The following DDC variants were observed in gnomAD, a reference collection of about 807,000 sequenced individuals.
The protein encoded by DDC is aromatic-L-amino-acid decarboxylase.
A neutral mutation model predicts 60.0 loss-of-function variants in DDC; 43 were observed. The observed-to-expected ratio is 0.72, with a 90% CI of 0.56 to 0.92. The LOEUF (loss-of-function observed/expected upper bound fraction) is 0.92. DDC is among the 40% of genes least tolerant of loss of function. The probability of loss-of-function intolerance (pLI) is 0.00; values close to 1 mark genes in which losing one functional copy is unlikely to be tolerated. For missense variants in DDC, 573 were observed against 620.2 expected (o/e 0.92, Z 0.81); for synonymous variants, 232 against 234.6 (o/e 0.99, Z 0.10).
At chr7:50,503,960 T>C (rs754986271) in intron 7 of DDC, 33 bp downstream of exon 7, 50 of 1,524,816 alleles carry the variant, frequency 3.3e-5, no homozygotes, top group Non-Finnish European at 4.6e-5. Flanking sequence ...ACAGAGAACA[T>C]TTTCCAAAAA....
chr7:50,540,277 C>A (rs1261185828), intron 2 of DDC: 2 of 468,060 alleles, frequency 4.3e-6, no homozygotes, highest in Non-Finnish European at 7.9e-6. Flanking sequence ...TATTTGCTAG[C>A]TCAGAAGGAA....
chr7:50,467,379 A>G, intron 12 of DDC, 64 bp from the exon 13 acceptor site: 1 of 1,366,318 alleles, frequency 7.3e-7, no homozygotes, highest in Non-Finnish European at 1.0e-6. Flanking sequence ...TTAACTACCT[A>G]GAAAACCTTA....
In DDC at chr7:50,479,331, C is replaced by T. The variant is rs1323133239; in HGVS notation, c.1021+456G>A. On this transcript the variant is annotated intron_variant, in intron 10 of 14. Transcript: ENST00000444124. ...GTGCACCTTTGTGTGCTGATCTGAGCCTTGGCTTCATCTTATTTTCTCTTC... is the reference window on the plus strand; with the variant it reads ...GTGCACCTTTGTGTGCTGATCTGAGTCTTGGCTTCATCTTATTTTCTCTTC... 2.6e-5 allele frequency among the ~76,000 whole-genome samples: 4 copies of T among 152,310 alleles called. No individual in the cohort carries two copies. In the South Asian group the frequency reaches 8.3e-4, roughly 32 times the overall value.
At chr7:50,460,589 C>T (rs1026065685) in intron 14 of DDC, among the ~76,000 whole-genome samples, 2 of 151,362 alleles carry the variant, frequency 1.3e-5, no homozygotes, top group Non-Finnish European at 2.9e-5. Flanking sequence ...ATGACAATGG[C>T]GGTTTTGTGG....
At chr7:50,477,575 G>A in intron 10 of DDC, 1 of 456,178 alleles carries the variant, frequency 2.2e-6, no homozygotes. Context: ...GCACAGGAGT[G>A]CCTACATTGT....
At chr7:50,532,777 A>C (rs2044260695) in intron 4 of DDC, among the ~76,000 whole-genome samples, 1 of 152,246 alleles carries the variant, frequency 6.6e-6, no homozygotes, top group South Asian at 2.1e-4. Flanking sequence ...AATTAGAGGA[A>C]TCATCTGCTG....
intron 11 of DDC, among the ~76,000 whole-genome samples, chr7:50,474,617 G>A (rs2042601950): frequency 6.6e-6 from 1 of 152,204 alleles, no homozygotes. Flanking sequence ...GGCAGAGCTG[G>A]GCTGGTTTTT....
chr7:50,466,286 G>A (rs11575532), intron 13 of DDC, among the ~76,000 whole-genome samples: 3,119 of 152,148 alleles, frequency 0.02, 56 homozygotes, highest in Middle Eastern at 0.037. Flanking sequence ...TCAGAAGTTC[G>A]AGACCAGCCT....
chr7:50,487,691 G>A (rs895394519), intron 9 of DDC, among the ~76,000 whole-genome samples: 3 of 152,022 alleles, frequency 2.0e-5, no homozygotes, highest in African/African-American at 7.2e-5. Context: ...AAATAAAGGA[G>A]TACTCATAAA....
intron 6 of DDC, among the ~76,000 whole-genome samples, chr7:50,519,546 G>A (rs1401092051): frequency 6.6e-6 from 1 of 152,152 alleles, no homozygotes; most frequent in Non-Finnish European, 1.5e-5. Flanking sequence ...TACATACAAT[G>A]GAATACTACT....
At chr7:50,493,890 A>C (rs1053338219) in intron 9 of DDC, among the ~76,000 whole-genome samples, 1 of 152,130 alleles carries the variant, frequency 6.6e-6, no homozygotes, top group African/African-American at 2.4e-5. Context: ...TTTTGTATAA[A>C]AGCTGCTTTC....
chr7:50,508,909 C>T (rs935244965), intron 6 of DDC, among the ~76,000 whole-genome samples: 2 of 152,162 alleles, frequency 1.3e-5, no homozygotes, highest in African/African-American at 4.8e-5. Flanking sequence ...CTTTTCTGAT[C>T]TCTGTACGCT....
At chr7:50,495,575 G>GT (rs11575415) in intron 8 of DDC, among the ~76,000 whole-genome samples, 158 bp from the exon 9 acceptor site, 4 of 152,156 alleles carry the variant, frequency 2.6e-5, no homozygotes, top group Non-Finnish European at 5.9e-5. Context: ...CTTGTAGTGG[G>GT]TAGGGGAGTC....
intron 7 of DDC, among the ~76,000 whole-genome samples, chr7:50,501,181 A>C (rs1482334973): frequency 6.6e-6 from 1 of 152,182 alleles, no homozygotes; most frequent in Non-Finnish European, 1.5e-5. Flanking sequence ...TTTCCTTCTG[A>C]GACTTCCCAG....
At position 50,467,465 on chromosome 7, in the gene DDC, C is replaced by G. The variant is rs2153533835; in HGVS notation, c.1141-150G>C. The G allele has an allele frequency of 4.3e-6, 3 of 692,352 alleles. No individual in the cohort carries two copies. In the East Asian group the frequency reaches 8.4e-5, roughly 19 times the overall value. The allele number at this position is 692,352 out of a possible 1,614,324, so 42.9% of individuals were successfully genotyped here. ...AGTGCTTTTACCGTTCACTGACCAGCTGTTTCCAGGCAGGCTAAGAAACTC... is the reference window on the plus strand; with the variant it reads ...AGTGCTTTTACCGTTCACTGACCAGGTGTTTCCAGGCAGGCTAAGAAACTC... On this transcript the variant is annotated intron_variant, in intron 12 of 14. Transcript: ENST00000444124.
chr7:50,478,165 G>A (rs926531424), intron 10 of DDC, among the ~76,000 whole-genome samples: 1 of 151,932 alleles, frequency 6.6e-6, no homozygotes, highest in Non-Finnish European at 1.5e-5. Flanking sequence ...GAGAGCCAAG[G>A]TTGCACCACT....
chr7:50,540,834 G>T (rs1372955349), intron 2 of DDC, among the ~76,000 whole-genome samples: 3 of 152,186 alleles, frequency 2.0e-5, no homozygotes, highest in Non-Finnish European at 4.4e-5. Flanking sequence ...GGGACAGGGG[G>T]TTTCAGGATC....
intron 14 of DDC, among the ~76,000 whole-genome samples, chr7:50,459,935 G>T (rs1374772483): frequency 1.4e-5 from 2 of 141,044 alleles, no homozygotes; most frequent in Non-Finnish European, 3.1e-5. Flanking sequence ...GAGGTGGGGG[G>T]GTCAGCCCCC....
At chr7:50,480,346 G>A (rs1020247387) in intron 9 of DDC, among the ~76,000 whole-genome samples, 3 of 152,214 alleles carry the variant, frequency 2.0e-5, no homozygotes, top group African/African-American at 4.8e-5. Flanking sequence ...TGGAAGCCAC[G>A]TGACCTACCA....
Sources: gnomAD v4.1 joint callset for allele counts (sites outside exome capture counted in the v4.1 genomes callset) on GRCh38, gnomAD v4.1.1 for gene constraint, MANE v1.5 for transcripts, NCBI Gene and HGNC (gene_info 2026-07-23, HGNC 2026-07-21) for gene names.